BCCIP: variants seen among roughly 807,000 people sequenced by gnomAD.
The protein encoded by BCCIP is BRCA2 and CDKN1A interacting protein, also known as BRCA2 and CDKN1A-interacting protein.
BCCIP carries 23 observed loss-of-function variants against 32.8 expected under a neutral mutation model. That is an observed-to-expected ratio of 0.70 (90% CI 0.51 to 0.99). BCCIP has a LOEUF of 0.99. BCCIP is among the 50% of genes least tolerant of loss of function. The pLI, the probability that BCCIP is intolerant of heterozygous loss-of-function variation, is 0.00. For synonymous variants in BCCIP, 144 were observed against 137.6 expected, an observed-to-expected ratio of 1.05 and a Z score of -0.33; for missense variants, 378 against 379.8, an observed-to-expected ratio of 1.00 and a Z score of 0.04.
rs1229044120 is a variant in BCCIP, at chr10:125,833,798, C to T, written c.626C>T (p.Thr209Ile). 2 of 1,613,958 alleles carry T rather than the reference C, an allele frequency of 1.2e-6. No homozygotes were observed. The highest frequency in any genetic ancestry group is 1.7e-6 in the Non-Finnish European group (2 of 1,180,040). Residue 209 changes from threonine to isoleucine, a missense_variant, in exon 6 of 7, where the codon ACC becomes ATC. Transcript: ENST00000278100. ...AAAGAACTGGCGGGGGCACACAGAA[C>T]CAATAAGCCATGTGGGAAGTGCTAC... is the stretch of plus-strand genomic sequence containing the variant. ...LQKELAGAHRTNKPCGKCYFY... is the reference protein window; with the variant it reads ...LQKELAGAHRINKPCGKCYFY...
At chr10:125,843,504 C>G (rs1385454874), downstream of BCCIP, among the ~76,000 whole-genome samples, 1 of 151,704 alleles carries the variant, frequency 6.6e-6, no homozygotes, top group South Asian at 2.1e-4. Context: ...CCCAGCTACT[C>G]GGGAGGTTGA....
downstream of BCCIP, among the ~76,000 whole-genome samples, chr10:125,837,564 C>A (rs1244926964): frequency 6.6e-6 from 1 of 152,182 alleles, no homozygotes; most frequent in African/African-American, 2.4e-5. Context: ...GTAGCTGGGA[C>A]TATAGGCGCA....
chr10:125,844,314 A>G (rs1244071554), downstream of BCCIP, among the ~76,000 whole-genome samples: 2 of 152,260 alleles, frequency 1.3e-5, no homozygotes. Context: ...TAAATCAGCA[A>G]AGCTGCTGCA....
At chr10:125,838,077 A>T, downstream of BCCIP, 1 of 804,588 alleles carries the variant, frequency 1.2e-6, no homozygotes, top group Non-Finnish European at 1.9e-6. Flanking sequence ...CTTAGTAGGT[A>T]CTGTCAACGT....
At chr10:125,849,953 G>T (rs1420274281) in intron 7 of BCCIP, among the ~76,000 whole-genome samples, 1 of 151,956 alleles carries the variant, frequency 6.6e-6, no homozygotes, top group African/African-American at 2.4e-5. Flanking sequence ...CACAACAGAT[G>T]ACACCACTGT....
At chr10:125,847,178 T>G (rs1944032492), downstream of BCCIP, among the ~76,000 whole-genome samples, 1 of 152,132 alleles carries the variant, frequency 6.6e-6, no homozygotes, top group Non-Finnish European at 1.5e-5. Context: ...AACCCATGCA[T>G]TTTTCTTCCT....
downstream of BCCIP, chr10:125,840,744 A>C (rs1854854339): frequency 1.5e-6 from 2 of 1,339,412 alleles, no homozygotes; most frequent in Admixed American, 4.9e-5. Flanking sequence ...TCAAGTGGCC[A>C]GTAGGGCTGG....
chr10:125,841,573 T>G, exon 7 of BCCIP: 1 of 1,431,314 alleles, frequency 7.0e-7, no homozygotes, highest in South Asian at 1.6e-5. Flanking sequence ...ATTAAGAAAA[T>G]TTTCCTTTTC....
intron 5 of BCCIP, among the ~76,000 whole-genome samples, chr10:125,832,071 T>C (rs1854533389): frequency 6.6e-6 from 1 of 152,228 alleles, no homozygotes; most frequent in Non-Finnish European, 1.5e-5. Flanking sequence ...CCAGAAGTTT[T>C]AAGTTTACAA....
At chr10:125,844,581 A>G (rs1353780685), downstream of BCCIP, among the ~76,000 whole-genome samples, 1 of 152,234 alleles carries the variant, frequency 6.6e-6, no homozygotes, top group Non-Finnish European at 1.5e-5. Context: ...AACATTAATA[A>G]ATAACTAAAT....
chr10:125,836,632 G>A, downstream of BCCIP: 3 of 1,585,430 alleles, frequency 1.9e-6, no homozygotes, highest in Non-Finnish European at 2.6e-6. Flanking sequence ...ATATCCAGCA[G>A]TTCAGCCATC....
chr10:125,841,235 T>C (rs141859534), downstream of BCCIP: 19 of 1,608,416 alleles, frequency 1.2e-5, no homozygotes, highest in East Asian at 3.8e-4. Context: ...ATGGTTAATA[T>C]CCTGCTTCTA....
rs192409924 is a variant in BCCIP at position 125,835,232 on chromosome 10, G to A, written c.775-872G>A. 4.7e-3 allele frequency among the ~76,000 whole-genome samples: 709 copies of A among 152,180 alleles called. 4 individuals are homozygous for A. The highest frequency in any genetic ancestry group is 6.0e-3 in the Non-Finnish European group (407 of 68,028). On this transcript the variant is annotated intron_variant, in intron 6 of 6. Transcript: ENST00000278100. ...GAAGACTTCTGCAGAAGACTAAAGC[G>A]CTACAAATTTAGCTGTGCCCTTCTT... is the stretch of plus-strand genomic sequence containing the variant.
chr10:125,827,218 A>T (rs1012050778), intron 2 of BCCIP, among the ~76,000 whole-genome samples: 1 of 151,094 alleles, frequency 6.6e-6, no homozygotes, highest in Non-Finnish European at 1.5e-5. Context: ...GCTTCTCCTT[A>T]TTCTTTTACT....
intron 4 of BCCIP, 95 bp downstream of exon 4, chr10:125,830,746 G>T: frequency 1.3e-6 from 1 of 747,792 alleles, no homozygotes; most frequent in Non-Finnish European, 2.3e-6. Context: ...GTTAAACAGT[G>T]ATATTAACTA....
At chr10:125,823,762 A>G (rs759111056) in intron 1 of BCCIP, 40 bp downstream of exon 1, 4 of 1,606,890 alleles carry the variant, frequency 2.5e-6, no homozygotes, top group Admixed American at 3.4e-5. Context: ...TATACCTGAG[A>G]AAAACTTTTT....
exon 7 of BCCIP, chr10:125,842,103 A>C: frequency 1.1e-6 from 1 of 897,954 alleles, no homozygotes; most frequent in Non-Finnish European, 1.6e-6. Flanking sequence ...GATTCTTGAG[A>C]GGGCAAACTC....
chr10:125,833,435 T>A (rs1032432023), intron 5 of BCCIP, among the ~76,000 whole-genome samples: 1 of 152,190 alleles, frequency 6.6e-6, no homozygotes, highest in Non-Finnish European at 1.5e-5. Context: ...TTTAAAAAAT[T>A]CAAAAATTCA....
chr10:125,837,746 C>T (rs1411758859), downstream of BCCIP, among the ~76,000 whole-genome samples: 1 of 152,208 alleles, frequency 6.6e-6, no homozygotes, highest in Non-Finnish European at 1.5e-5. Flanking sequence ...GCTACTCTTG[C>T]TTAAAATGCT....
Sources: allele counts gnomAD v4.1 joint callset (sites outside exome capture counted in the v4.1 genomes callset), GRCh38; gene constraint gnomAD v4.1.1; transcripts MANE v1.5; gene names NCBI Gene and HGNC (gene_info 2026-07-23, HGNC 2026-07-21).